Variants in KLHDC8A observed in about 807,000 individuals in gnomAD.
The protein encoded by KLHDC8A is kelch domain-containing protein 8A.
A neutral mutation model predicts 33.1 loss-of-function variants in KLHDC8A; 21 were observed. The observed-to-expected ratio is 0.64, with a 90% CI of 0.45 to 0.91. The LOEUF (loss-of-function observed/expected upper bound fraction) is 0.91. Among genes scored for constraint, KLHDC8A ranks in the 40% least tolerant of loss-of-function variants. KLHDC8A has a pLI of 0.00. For synonymous variants in KLHDC8A, 173 were observed against 193.5 expected, an observed-to-expected ratio of 0.89 and a Z score of 0.88; for missense variants, 435 against 483.3, an observed-to-expected ratio of 0.90 and a Z score of 0.94.
Position 205,343,573 on chromosome 1 carries a change from C to T in KLHDC8A, c.32G>A (p.Trp11Ter). The change falls in exon 2 of 6, where the codon TGG becomes TAG. Residue 11 changes from tryptophan to a stop codon, truncating the protein, a stop_gained. Coordinates refer to ENST00000367155, the MANE Select transcript of KLHDC8A (RefSeq NM_018203.3). LOFTEE classifies it high-confidence loss of function. ...GCTGGGCAGTGGCGCCAGGCGCTTC[C>T]ACTGGAAGTCCTTGACGTTAGGCAC... MEVPNVKDFQ[W>*]KRLAPLPSRR... 1 of 1,609,438 alleles carries T rather than the reference C, an allele frequency of 6.2e-7. No homozygotes were observed. Among genetic ancestry groups the T allele is most frequent in the Non-Finnish European group, 8.5e-7 (1 of 1,177,420 alleles).
rs1482059029 is a variant in KLHDC8A at position 205,356,609 on chromosome 1, G to C, written c.-266C>G. ...GAAGGGGAGGGGCCGGGAGAGGGTC[G>C]AGCGGGTGTTGGCTCTGAGGCTTGT... On this transcript the variant is annotated 5_prime_UTR_variant, in exon 1 of 6. Transcript: ENST00000367155. 2 of 456,020 alleles carry C rather than the reference G, an allele frequency of 4.4e-6. No individual in the cohort carries two copies. Among genetic ancestry groups the C allele is most frequent in the South Asian group, 1.5e-5 (1 of 64,538 alleles). The allele number at this position is 456,020 out of a possible 1,614,324, so 28.2% of individuals were successfully genotyped here.
chr1:205,344,631 T>C (rs1662896434), intron 1 of KLHDC8A, among the ~76,000 whole-genome samples: 2 of 152,098 alleles, frequency 1.3e-5, no homozygotes, highest in Admixed American at 6.5e-5. Context: ...GCTAACTCAA[T>C]AGCCAGCTTT....
rs369573058 is a variant in KLHDC8A, at chr1:205,339,406, C to T, written c.545G>A (p.Gly182Glu). 5.4e-5 allele frequency: 87 copies of T among 1,613,004 alleles called. No homozygotes were observed. The highest frequency in any genetic ancestry group is 6.8e-5 in the Non-Finnish European group (80 of 1,179,444). Residue 182 changes from glycine to glutamate, a missense_variant, in exon 4 of 6, where the codon GGA becomes GAA. Transcript: ENST00000367155. This position sits in a 1 kb window ranked among gnomAD's most constrained non-coding sequence, Gnocchi z 5.1. ...GTTGACCGCGTACTTGGACTGTCGT[C>T]CCCCTGGGGGCCAGAGCAGGATAGA... ...LRGSKIYVLG[G>E]RQSKYAVNAF... is the part of the protein sequence containing the mutation.
rs1662745184 is a variant in KLHDC8A, at chr1:205,339,865, C to T, written c.377-57G>A. ...TAGCTCACAGGTACAGCAAGACAGG[C>T]CCACCAGCATCTATTGCCTCCCATG... is the stretch of plus-strand genomic sequence containing the variant. On this transcript the variant is annotated intron_variant, in intron 2 of 5. Coordinates refer to ENST00000367155, the MANE Select transcript of KLHDC8A (RefSeq NM_018203.3). The surrounding 1 kb of genome is among the most constrained non-coding windows in gnomAD (Gnocchi z 5.1). 7 of 1,542,270 alleles carry T rather than the reference C, an allele frequency of 4.5e-6. No individual in the cohort carries two copies. The East Asian group carries it at 1.4e-4, about 30-fold the overall frequency.
rs199534457 is a variant in KLHDC8A at position 205,339,371 on chromosome 1, C to G, written c.580G>C (p.Val194Leu). Residue 194 changes from valine (V) to leucine (L), a missense_variant, in exon 4 of 6, where the codon GTC (valine) becomes CTC (leucine). Transcript: ENST00000367155. This position sits in a 1 kb window ranked among gnomAD's most constrained non-coding sequence, Gnocchi z 5.1. ...QSKYAVNAFEVFDIETRSWTK... is the reference protein window; with the variant it reads ...QSKYAVNAFELFDIETRSWTK... ...CAGGAGCGAGTCTCGATGTCAAAGA[C>G]CTCGAAAGCGTTGACCGCGTACTTG... The G allele has an allele frequency of 6.2e-7, 1 of 1,614,138 alleles. No homozygotes were observed. The highest frequency in any genetic ancestry group is 1.3e-5 in the African/African-American group (1 of 75,054).
At chr1:205,351,573 C>A (rs1663106385) in intron 1 of KLHDC8A, 14 of 382,706 alleles carry the variant, frequency 3.7e-5, no homozygotes, top group East Asian at 1.8e-4. Context: ...TCATATTAGA[C>A]TTTTTGTTAA....
Position 205,339,933 on chromosome 1 carries a change from T to C in KLHDC8A, c.377-125A>G. The C allele has an allele frequency of 1.3e-6, 1 of 773,634 alleles. No individual in the cohort carries two copies. The highest frequency in any genetic ancestry group is 2.1e-6 in the Non-Finnish European group (1 of 481,328). The allele number at this position is 773,634 out of a possible 1,614,324, so 47.9% of individuals were successfully genotyped here. A position where few individuals can be genotyped will look rare whatever the true frequency, so the allele number is the denominator to read the frequency against. The stretch of plus-strand genomic sequence containing the variant: ...ACCACTGCTCAGCCAGAGTGAGTCA[T>C]ATCTGTATCAGTGTGGTTGATAGCA... On this transcript the variant is annotated intron_variant, in intron 2 of 5. Coordinates refer to ENST00000367155, the MANE Select transcript of KLHDC8A (RefSeq NM_018203.3). This position sits in a 1 kb window ranked among gnomAD's most constrained non-coding sequence, Gnocchi z 5.1.
Position 205,339,464 on chromosome 1 carries a change from G to A in KLHDC8A, c.542-55C>T, listed in dbSNP as rs11240444. The A allele has an allele frequency of 0.021, 32,165 of 1,525,310 alleles. 733 individuals are homozygous for A. Among genetic ancestry groups the A allele is most frequent in the African/African-American group, 0.08 (5,869 of 73,088 alleles). The allele number at this position is 1,525,310 out of a possible 1,614,324, so 94.5% of individuals were successfully genotyped here. A position where few individuals can be genotyped will look rare whatever the true frequency, so the allele number is the denominator to read the frequency against. ...CAGAAGGGTTGTCCCTGAGGACAGC[G>A]ACAGTGAAAAGGGTTTCCCCTTTTG... is the stretch of plus-strand genomic sequence containing the variant. On this transcript the variant is annotated intron_variant, in intron 3 of 5. Transcript: ENST00000367155. This position sits in a 1 kb window ranked among gnomAD's most constrained non-coding sequence, Gnocchi z 5.1.
At chr1:205,352,696 G>T (rs1424041940) in intron 1 of KLHDC8A, among the ~76,000 whole-genome samples, 2 of 152,218 alleles carry the variant, frequency 1.3e-5, no homozygotes, top group Non-Finnish European at 2.9e-5. Context: ...GTGAATCAAA[G>T]GATCTGCCTG....
At chr1:205,338,214 G>C (rs533331767) in intron 5 of KLHDC8A, among the ~76,000 whole-genome samples, 5 of 152,300 alleles carry the variant, frequency 3.3e-5, no homozygotes, top group Admixed American at 2.6e-4. Context: ...CCCGTTTAGG[G>C]ATCTGTGCTC....
In KLHDC8A at chr1:205,339,864, G is replaced by T. The variant is rs1197758182; in HGVS notation, c.377-56C>A. The T allele has an allele frequency of 5.8e-6, 9 of 1,550,500 alleles. No homozygotes were observed. The highest frequency in any genetic ancestry group is 6.2e-6 in the Non-Finnish European group (7 of 1,137,970). ...TTAGCTCACAGGTACAGCAAGACAG[G>T]CCCACCAGCATCTATTGCCTCCCAT... On this transcript the variant is annotated intron_variant, in intron 2 of 5. Coordinates refer to ENST00000367155, the MANE Select transcript of KLHDC8A (RefSeq NM_018203.3). This position sits in a 1 kb window ranked among gnomAD's most constrained non-coding sequence, Gnocchi z 5.1.
chr1:205,352,499 C>T (rs148441069), intron 1 of KLHDC8A, among the ~76,000 whole-genome samples: 13 of 152,324 alleles, frequency 8.5e-5, no homozygotes, highest in African/African-American at 3.1e-4. Context: ...CTTTCACCCC[C>T]GCTCCCTAGG....
intron 1 of KLHDC8A, among the ~76,000 whole-genome samples, chr1:205,348,765 G>A (rs1663015152): frequency 6.6e-6 from 1 of 152,084 alleles, no homozygotes; most frequent in Admixed American, 6.5e-5. Flanking sequence ...CCAAGAGCAG[G>A]TGCCAGTTTC....
intron 2 of KLHDC8A, among the ~76,000 whole-genome samples, chr1:205,340,805 T>C (rs2102281615): frequency 6.6e-6 from 1 of 152,322 alleles, no homozygotes; most frequent in East Asian, 1.9e-4. Flanking sequence ...TCTGATGCCC[T>C]TTCCCCAGGC....
rs1387262109 is a variant in KLHDC8A, at chr1:205,343,345, A to C, written c.260T>G (p.Val87Gly). ...LGKRIMVIGG[V>G]GTNQLPLKVV... ...CTTCAGGGGCAGCTGATTGGTGCCC[A>C]CGCCCCCAATCACCATGATCCGCTT... Residue 87 changes from valine to glycine, a missense_variant, in exon 2 of 6, where the codon GTG (valine) becomes GGG (glycine). Coordinates refer to ENST00000367155, the MANE Select transcript of KLHDC8A (RefSeq NM_018203.3). 1.2e-6 allele frequency: 2 copies of C among 1,613,512 alleles called. No individual in the cohort carries two copies. Among genetic ancestry groups the C allele is most frequent in the Non-Finnish European group, 1.7e-6 (2 of 1,179,886 alleles).
rs544308019 is a variant in KLHDC8A, at chr1:205,343,798, G to T, written c.-189-5C>A. The T allele has an allele frequency of 1.6e-6, 1 of 614,652 alleles. No individual in the cohort carries two copies. Among genetic ancestry groups the T allele is most frequent in the Non-Finnish European group, 2.7e-6 (1 of 376,036 alleles). The allele number at this position is 614,652 out of a possible 1,614,324, so 38.1% of individuals were successfully genotyped here. ...CGGCGGCGTCCACGCCTGGCCCTGCGGGGGGAACGCGGTGAATCAAGGGCA... is the reference window on the plus strand; with the variant it reads ...CGGCGGCGTCCACGCCTGGCCCTGCTGGGGGAACGCGGTGAATCAAGGGCA... On this transcript the variant is annotated splice_region_variant and splice_polypyrimidine_tract_variant and intron_variant, in intron 1 of 5. Coordinates refer to ENST00000367155, the MANE Select transcript of KLHDC8A (RefSeq NM_018203.3).
chr1:205,347,372 C>T (rs1364421385), intron 1 of KLHDC8A, among the ~76,000 whole-genome samples: 1 of 152,184 alleles, frequency 6.6e-6, no homozygotes, highest in African/African-American at 2.4e-5. Context: ...ATCCTTCTTG[C>T]TCTAAAATCT....
At chr1:205,340,358 T>C (rs1449978880) in intron 2 of KLHDC8A, among the ~76,000 whole-genome samples, 1 of 152,200 alleles carries the variant, frequency 6.6e-6, no homozygotes, top group East Asian at 1.9e-4. Flanking sequence ...CGCCCTAGTC[T>C]TCCTTAGTGT....
In KLHDC8A at chr1:205,339,417, C is replaced by T; in HGVS notation, c.542-8G>A. ...ACTTGGACTGTCGTCCCCCTGGGGGCCAGAGCAGGATAGAGGTTGGGCAGA... is the reference window on the plus strand; with the variant it reads ...ACTTGGACTGTCGTCCCCCTGGGGGTCAGAGCAGGATAGAGGTTGGGCAGA... On this transcript the variant is annotated splice_region_variant and splice_polypyrimidine_tract_variant and intron_variant, in intron 3 of 5. Coordinates refer to ENST00000367155, the MANE Select transcript of KLHDC8A (RefSeq NM_018203.3). This position sits in a 1 kb window ranked among gnomAD's most constrained non-coding sequence, Gnocchi z 5.1. 1 of 1,611,628 alleles carries T rather than the reference C, an allele frequency of 6.2e-7. No individual in the cohort carries two copies. The highest frequency in any genetic ancestry group is 1.7e-5 in the Admixed American group (1 of 59,762).
Sources: allele counts gnomAD v4.1 joint callset (sites outside exome capture counted in the v4.1 genomes callset), GRCh38; gene constraint gnomAD v4.1.1; non-coding constraint Gnocchi (gnomAD v3.1); transcripts MANE v1.5; gene names NCBI Gene and HGNC (gene_info 2026-07-23, HGNC 2026-07-21).